FGD5: variants seen among roughly 807,000 people sequenced by gnomAD.
FGD5 encodes the protein FYVE, RhoGEF and PH domain-containing protein 5.
A neutral mutation model predicts 133.4 loss-of-function variants in FGD5; 28 were observed. That is an observed-to-expected ratio of 0.21 (90% CI 0.16 to 0.29). FGD5 has a LOEUF of 0.29. FGD5 is among the 10% of genes least tolerant of loss of function. The pLI is 1.00. For synonymous variants in FGD5, 810 were observed against 776.5 expected, an observed-to-expected ratio of 1.04 and a Z score of -0.72; for missense variants, 1,858 against 1,895.2, an observed-to-expected ratio of 0.98 and a Z score of 0.36.
chr3:14,883,996 A>G (rs1035397341), intron 4 of FGD5, among the ~76,000 whole-genome samples: 34 of 152,204 alleles, frequency 2.2e-4, no homozygotes, highest in African/African-American at 8.2e-4. Context: ...ATGACACATC[A>G]TTGCACATGG....
chr3:14,866,203 C>A (rs1229159822), intron 2 of FGD5, among the ~76,000 whole-genome samples: 2 of 152,158 alleles, frequency 1.3e-5, no homozygotes, highest in African/African-American at 4.8e-5. Flanking sequence ...GCCAGTCATT[C>A]CCCATCTCTG....
chr3:14,866,713 G>T (rs943454335), intron 2 of FGD5, among the ~76,000 whole-genome samples: 1 of 152,246 alleles, frequency 6.6e-6, no homozygotes, highest in Non-Finnish European at 1.5e-5. Context: ...CAGAGCTTTT[G>T]ATTGAGACTA....
chr3:14,811,424 G>A (rs1459526276), intron 1 of FGD5: 1 of 152,068 alleles, frequency 6.6e-6, no homozygotes, highest in Non-Finnish European at 1.5e-5. Flanking sequence ...CTCTCCAGAT[G>A]AGACTAAAAA....
chr3:14,931,293 A>G (rs185480455), intron 18 of FGD5: 16 of 152,324 alleles, frequency 1.1e-4, no homozygotes, highest in Admixed American at 5.2e-4. Flanking sequence ...ATTTTGTCAA[A>G]GGCTTTTTCT....
chr3:14,897,809 A>G, intron 5 of FGD5, 130 bp from the exon 6 acceptor site: 1 of 1,459,832 alleles, frequency 6.9e-7, no homozygotes. Context: ...CATTTGCTCA[A>G]AGTAAAACAA....
At chr3:14,840,467 T>A (rs2036900140) in intron 1 of FGD5, among the ~76,000 whole-genome samples, 1 of 150,180 alleles carries the variant, frequency 6.7e-6, no homozygotes, top group Non-Finnish European at 1.5e-5. Flanking sequence ...TCTATCTCCC[T>A]CCCCCCAACC....
At chr3:14,812,001 GGT>G (rs10644004) in intron 1 of FGD5, among the ~76,000 whole-genome samples, 4,807 of 145,276 alleles carry the variant, frequency 0.033, 105 homozygotes, top group African/African-American at 0.065. Context: ...ATATCCTGCT[GGT>G]GTGTGTGTGT....
At chr3:14,810,842 G>A, upstream of FGD5, 3 of 985,002 alleles carry the variant, frequency 3.0e-6, no homozygotes, top group Non-Finnish European at 3.6e-6. Context: ...CCCGGGCCCC[G>A]CGCGCTGAAG....
At chr3:14,906,156 GCCC>G (rs1267144087) in intron 9 of FGD5, among the ~76,000 whole-genome samples, 10 of 152,174 alleles carry the variant, frequency 6.6e-5, no homozygotes, top group African/African-American at 2.2e-4. Flanking sequence ...CCACAGGAAG[GCCC>G]TCTCCCCATG....
chr3:14,931,655 A>G (rs2125165912), intron 18 of FGD5: 1 of 152,378 alleles, frequency 6.6e-6, no homozygotes, highest in Admixed American at 6.5e-5. Flanking sequence ...ATATATAAAA[A>G]TCTTTTTCCA....
At chr3:14,852,957 C>T (rs2037195986) in intron 1 of FGD5, among the ~76,000 whole-genome samples, 1 of 152,154 alleles carries the variant, frequency 6.6e-6, no homozygotes, top group African/African-American at 2.4e-5. Flanking sequence ...GTGTTTTGTG[C>T]TTTGACCCAT....
At chr3:14,911,049 G>C in intron 11 of FGD5, 120 bp downstream of exon 11, 2 of 940,566 alleles carry the variant, frequency 2.1e-6, no homozygotes, top group Non-Finnish European at 3.2e-6. Context: ...GCAGACATTT[G>C]GGGGTGAGGA....
intron 4 of FGD5, among the ~76,000 whole-genome samples, chr3:14,896,471 CT>C (rs201631646): frequency 0.032 from 4,788 of 148,394 alleles, 226 homozygotes; most frequent in East Asian, 0.21. Flanking sequence ...CCAGATGTAA[CT>C]TTTTTTTTTT....
intron 17 of FGD5, among the ~76,000 whole-genome samples, chr3:14,925,175 A>C (rs1474445174): frequency 6.6e-6 from 1 of 151,622 alleles, no homozygotes; most frequent in African/African-American, 2.4e-5. Flanking sequence ...AAAACAGCAC[A>C]TATGATGAAA....
intron 2 of FGD5, among the ~76,000 whole-genome samples, chr3:14,868,563 T>A (rs2037542561): frequency 6.6e-6 from 1 of 152,248 alleles, no homozygotes; most frequent in African/African-American, 2.4e-5. Flanking sequence ...TTCTCTGTGC[T>A]ATGGACTTCT....
chr3:14,821,103 T>C lies in FGD5; in HGVS notation c.2032T>C (p.Ser678Pro), dbSNP rs773735821. Residue 678 changes from serine (S) to proline (P), a missense_variant, in exon 1 of 20, where the codon TCT becomes CCT. Around this residue, in one of 3 missense-constraint regions of FGD5, gnomAD observed 1,824 missense variants for 1,848.9 expected, o/e 0.99. Coordinates refer to ENST00000285046, the MANE Select transcript of FGD5 (RefSeq NM_152536.4). ...GCATGTGGATGTGAACGTGTCTTCCTCTAGGTCCTCTTCAGAGTCCAGCTA... is the reference window on the plus strand; with the variant it reads ...GCATGTGGATGTGAACGTGTCTTCCCCTAGGTCCTCTTCAGAGTCCAGCTA... ...KLHVDVNVSS[S>P]RSSSESSYHG... The C allele has an allele frequency of 6.2e-7, 1 of 1,614,006 alleles. No individual in the cohort carries two copies. The highest frequency in any genetic ancestry group is 8.5e-7 in the Non-Finnish European group (1 of 1,179,898).
intron 18 of FGD5, among the ~76,000 whole-genome samples, chr3:14,927,315 A>G (rs932179817): frequency 6.6e-6 from 1 of 152,198 alleles, no homozygotes; most frequent in Non-Finnish European, 1.5e-5. Context: ...AAGTGACAGC[A>G]TAAGCTTATT....
chr3:14,827,400 T>C (rs1037395792), intron 1 of FGD5, among the ~76,000 whole-genome samples: 1 of 150,680 alleles, frequency 6.6e-6, no homozygotes, highest in African/African-American at 2.4e-5. Flanking sequence ...GCCATTCTCC[T>C]GCCTCAGCCT....
intron 11 of FGD5, among the ~76,000 whole-genome samples, chr3:14,912,659 G>A (rs1172011683): frequency 1.3e-5 from 2 of 152,226 alleles, no homozygotes; most frequent in East Asian, 1.9e-4. Context: ...GTGCTGGTGT[G>A]TAGACATGGC....
Sources: allele counts gnomAD v4.1 joint callset (sites outside exome capture counted in the v4.1 genomes callset), GRCh38; gene constraint gnomAD v4.1.1; regional missense constraint gnomAD v4.1.1; transcripts MANE v1.5; gene names NCBI Gene and HGNC (gene_info 2026-07-23, HGNC 2026-07-21).